Variants in DACH2 observed in about 807,000 individuals in gnomAD.
The protein encoded by DACH2 is dachshund family transcription factor 2, also known as dachshund homolog 2.
Under a neutral mutation model 35.8 loss-of-function variants are expected in DACH2, and 17 were observed. The ratio of observed to expected loss-of-function variants is 0.48; its 90% confidence interval spans 0.33 to 0.71. The LOEUF (loss-of-function observed/expected upper bound fraction) is 0.71, where lower values mean the gene tolerates loss of function less well. Ranked by LOEUF, DACH2 falls within the 30% of genes least tolerant of loss-of-function variation. The pLI, the probability that DACH2 is intolerant of heterozygous loss-of-function variation, is 0.02. For missense variants in DACH2, 469 were observed against 472.7 expected (o/e 0.99, Z 0.07); for synonymous variants, 195 against 177.3 (o/e 1.10, Z -0.79).
At chrX:86,486,959 C>T (rs2148241008) in intron 2 of DACH2, among the ~76,000 whole-genome samples, 1 of 111,855 alleles carries the variant, frequency 8.9e-6, no homozygotes, top group African/African-American at 3.2e-5. Context: ...GTGATGGGAT[C>T]AAAGCTATTC....
At chrX:86,749,604 C>T (rs1368280438) in intron 7 of DACH2, among the ~76,000 whole-genome samples, 1 of 110,655 alleles carries the variant, frequency 9.0e-6, no homozygotes, top group Non-Finnish European at 1.9e-5. Context: ...CATCAAAGAT[C>T]GCTGATAATA....
intron 7 of DACH2, among the ~76,000 whole-genome samples, chrX:86,783,119 A>C (rs761719384): frequency 2.7e-5 from 3 of 112,004 alleles, no homozygotes; most frequent in African/African-American, 9.7e-5. Flanking sequence ...TTGAACAGAC[A>C]TTTCTCAAAA....
intron 7 of DACH2, among the ~76,000 whole-genome samples, chrX:86,776,160 T>C (rs2042029934): frequency 8.9e-6 from 1 of 111,965 alleles, no homozygotes; most frequent in Admixed American, 9.5e-5. Context: ...CAGTTTAGAC[T>C]GCTATAACAA....
chrX:86,414,139 A>AAACTGGCT (rs1227216271), intron 2 of DACH2, among the ~76,000 whole-genome samples: 12 of 111,805 alleles, frequency 1.1e-4, no homozygotes, highest in Non-Finnish European at 1.9e-4. Context: ...TTGGGTCTGT[A>AAACTGGCT]AACTGGCTAA....
intron 3 of DACH2, among the ~76,000 whole-genome samples, chrX:86,529,969 A>G (rs1051446453): frequency 8.9e-5 from 4 of 44,972 alleles, no homozygotes; most frequent in East Asian, 8.5e-4. Flanking sequence ...ACACACACAC[A>G]CACACACGCA....
intron 5 of DACH2, among the ~76,000 whole-genome samples, chrX:86,703,881 C>T (rs561701111): frequency 9.3e-4 from 104 of 111,603 alleles, no homozygotes; most frequent in African/African-American, 3.2e-3. Flanking sequence ...AATGGCCATA[C>T]CGCCCAAAGC....
intron 3 of DACH2, among the ~76,000 whole-genome samples, chrX:86,577,924 G>C (rs1319326701): frequency 2.7e-5 from 3 of 111,796 alleles, no homozygotes; most frequent in Non-Finnish European, 3.8e-5. Context: ...CATATACCTT[G>C]ACCTATTCAA....
At chrX:86,331,479 C>T (rs1412685548) in intron 1 of DACH2, among the ~76,000 whole-genome samples, 1 of 110,541 alleles carries the variant, frequency 9.0e-6, no homozygotes, top group Admixed American at 9.7e-5. Context: ...AACAAACAAA[C>T]AAACAAACAA....
At chrX:86,192,709 C>G (rs1030945381) in intron 1 of DACH2, among the ~76,000 whole-genome samples, 2 of 111,890 alleles carry the variant, frequency 1.8e-5, no homozygotes, top group African/African-American at 6.5e-5. Context: ...TAGTCAATTG[C>G]CAGTAAGTAA....
chrX:86,545,429 T>C (rs1284858330), intron 3 of DACH2, among the ~76,000 whole-genome samples: 1 of 111,470 alleles, frequency 9.0e-6, no homozygotes, highest in Non-Finnish European at 1.9e-5. Context: ...TAAAAAAAAC[T>C]ACCTATTAGA....
intron 1 of DACH2, among the ~76,000 whole-genome samples, chrX:86,289,403 GT>G (rs1214923465): frequency 1.0e-5 from 1 of 96,235 alleles, no homozygotes; most frequent in Non-Finnish European, 2.2e-5. Flanking sequence ...GTCTAAGCAG[GT>G]TTCTTTTATT....
At chrX:86,235,472 G>T (rs1217411462) in intron 1 of DACH2, among the ~76,000 whole-genome samples, 1 of 111,903 alleles carries the variant, frequency 8.9e-6, no homozygotes, top group Non-Finnish European at 1.9e-5. Context: ...TTCAGAAATA[G>T]CACATTTGCT....
At chrX:86,445,678 T>C (rs2148189694) in intron 2 of DACH2, among the ~76,000 whole-genome samples, 1 of 109,956 alleles carries the variant, frequency 9.1e-6, no homozygotes, top group Admixed American at 9.7e-5. Context: ...TTTTGAAGTT[T>C]CTTCTATTAC....
intron 1 of DACH2, among the ~76,000 whole-genome samples, chrX:86,168,152 A>T (rs2031005244): frequency 9.0e-6 from 1 of 111,561 alleles, no homozygotes. Context: ...AAATCTTATT[A>T]TTCAATTTGG....
chrX:86,255,198 T>C (rs768030864), intron 1 of DACH2, among the ~76,000 whole-genome samples: 1 of 110,705 alleles, frequency 9.0e-6, no homozygotes, highest in Non-Finnish European at 1.9e-5. Context: ...TAGGAAAAAG[T>C]TTTTTCTCTT....
chrX:86,263,992 T>C (rs1298571902), intron 1 of DACH2, among the ~76,000 whole-genome samples: 1 of 112,259 alleles, frequency 8.9e-6, no homozygotes, highest in Non-Finnish European at 1.9e-5. Flanking sequence ...ATGCCAAGCT[T>C]AGTATAATTT....
intron 7 of DACH2, among the ~76,000 whole-genome samples, chrX:86,809,733 G>A (rs1193925401): frequency 9.0e-6 from 1 of 110,665 alleles, no homozygotes; most frequent in Non-Finnish European, 1.9e-5. Context: ...TTGCTTGTGG[G>A]ACAGGTAGGA....
chrX:86,675,450 C>T (rs1445426714), intron 4 of DACH2, among the ~76,000 whole-genome samples: 2 of 111,778 alleles, frequency 1.8e-5, no homozygotes, highest in South Asian at 3.7e-4. Flanking sequence ...TTTACGAAGT[C>T]GAGGCAGGTG....
intron 7 of DACH2, among the ~76,000 whole-genome samples, chrX:86,783,273 C>T (rs758702225): frequency 6.3e-5 from 7 of 111,779 alleles, no homozygotes; most frequent in Non-Finnish European, 1.1e-4. Flanking sequence ...ATAACAAATG[C>T]TGGCAAGTTT....
Sources: gnomAD v4.1 joint callset for allele counts (sites outside exome capture counted in the v4.1 genomes callset) on GRCh38, gnomAD v4.1.1 for gene constraint, MANE v1.5 for transcripts, NCBI Gene and HGNC (gene_info 2026-07-23, HGNC 2026-07-21) for gene names.